SLC30A10: variants seen among roughly 807,000 people sequenced by gnomAD.
The protein encoded by SLC30A10 is calcium/manganese antiporter SLC30A10.
In SLC30A10, 8 loss-of-function variants were observed where a neutral mutation model predicts 21.7. The ratio of observed to expected loss-of-function variants is 0.37; its 90% CI spans 0.22 to 0.67. The LOEUF is 0.67. Among genes scored for constraint, SLC30A10 ranks in the 30% least tolerant of loss-of-function variants. SLC30A10 has a pLI of 0.58. For missense variants in SLC30A10, 521 were observed against 642.5 expected (o/e 0.81, Z 2.04); for synonymous variants, 272 against 279.4 (o/e 0.97, Z 0.26).
intron 2 of SLC30A10, among the ~76,000 whole-genome samples, chr1:219,920,536 A>T (rs1164751550): frequency 6.6e-6 from 1 of 152,196 alleles, no homozygotes; most frequent in Non-Finnish European, 1.5e-5. Flanking sequence ...ATAGCAATGT[A>T]GGCATTCAAT....
intron 2 of SLC30A10, among the ~76,000 whole-genome samples, chr1:219,923,022 A>G (rs989153600): frequency 1.3e-5 from 2 of 152,174 alleles, no homozygotes; most frequent in Non-Finnish European, 2.9e-5. Flanking sequence ...GCCGGGAGAC[A>G]GTGAAGAGCT....
chr1:219,918,595 G>T lies in SLC30A10; in HGVS notation c.719-101C>A. The T allele has an allele frequency of 6.9e-7, 1 of 1,458,030 alleles. No individual in the cohort carries two copies. The highest frequency in any genetic ancestry group is 9.1e-7 in the Non-Finnish European group (1 of 1,099,304). 90.3% of individuals were successfully genotyped at this position (1,458,030 alleles called of 1,614,324 possible). A position where few individuals can be genotyped will look rare whatever the true frequency, so the allele number is the denominator to read the frequency against. ...GGTATATGAATATCTGTTACCATTT[G>T]GAGTTTTTTGGTTTTTGTTTTGGTT... is the stretch of plus-strand genomic sequence containing the variant. On this transcript the variant is annotated intron_variant, in intron 2 of 3. Transcript: ENST00000366926. This position sits in a 1 kb window ranked among gnomAD's most constrained non-coding sequence, Gnocchi z 4.4.
intron 2 of SLC30A10, among the ~76,000 whole-genome samples, chr1:219,925,649 A>T (rs144735205): frequency 0.21 from 13,748 of 65,566 alleles, 1,738 homozygotes; most frequent in East Asian, 0.31. Flanking sequence ...ATATATATAT[A>T]TATTTTTTTT....
chr1:219,921,921 C>CAGAGAGAGAGAGAGAGAGAG, intron 2 of SLC30A10, among the ~76,000 whole-genome samples: 1 of 137,836 alleles, frequency 7.3e-6, no homozygotes, highest in African/African-American at 2.8e-5. Flanking sequence ...GAGAGAGAGA[C>CAGAGAGAGAGAGAGAGAGAG]AGAGAGAGAG....
At chr1:219,922,106 A>G (rs754468090) in intron 2 of SLC30A10, among the ~76,000 whole-genome samples, 1 of 145,644 alleles carries the variant, frequency 6.9e-6, no homozygotes, top group Non-Finnish European at 1.5e-5. Flanking sequence ...GATGTGTGCC[A>G]CTGCACTGGT....
At chr1:219,917,359 A>G (rs190469170) in intron 3 of SLC30A10, among the ~76,000 whole-genome samples, 8 of 152,222 alleles carry the variant, frequency 5.3e-5, no homozygotes, top group Non-Finnish European at 8.8e-5. Context: ...ATATATCACA[A>G]ATTTCTTTGT....
chr1:219,918,113 C>T lies in SLC30A10; in HGVS notation c.958+142G>A. 2 of 1,123,838 alleles carry T rather than the reference C, an allele frequency of 1.8e-6. No homozygotes were observed. Among genetic ancestry groups the T allele is most frequent in the Non-Finnish European group, 2.5e-6 (2 of 784,336 alleles). 69.6% of individuals were successfully genotyped at this position (1,123,838 alleles called of 1,614,324 possible). A position where few individuals can be genotyped will look rare whatever the true frequency, so the allele number is the denominator to read the frequency against. ...TGAGTCATCTTAATAGGCTATAAAA[C>T]ATATGATGACATCTCTACCACCTGG... On this transcript the variant is annotated intron_variant, in intron 3 of 3. Coordinates refer to ENST00000366926, the MANE Select transcript of SLC30A10 (RefSeq NM_018713.3). This position sits in a 1 kb window ranked among gnomAD's most constrained non-coding sequence, Gnocchi z 4.4.
At position 219,914,661 on chromosome 1, in the gene SLC30A10, A is replaced by G; in HGVS notation, c.*788T>C. Reference sequence around the variant, plus strand: ...GCACTAAATGAAAACAGCTCCAACTATACTGACTCTAAAAGACAGTATATG... The same window carrying G: ...GCACTAAATGAAAACAGCTCCAACTGTACTGACTCTAAAAGACAGTATATG... On this transcript the variant is annotated 3_prime_UTR_variant, in exon 4 of 4. Transcript: ENST00000366926. The G allele has an allele frequency of 6.6e-6, 1 of 152,230 alleles. No individual in the cohort carries two copies. Among genetic ancestry groups the G allele is most frequent in the East Asian group, 1.9e-4 (1 of 5,198 alleles). 9.4% of individuals were successfully genotyped at this position (152,230 alleles called of 1,614,324 possible). A position where few individuals can be genotyped will look rare whatever the true frequency, so the allele number is the denominator to read the frequency against.
rs965097400 is a variant in SLC30A10 at position 219,918,686 on chromosome 1, C to T, written c.719-192G>A. Reference sequence around the variant, plus strand: ...AGGAAACAAAACCCCAGGCCACCATCGCAGGACTCAGAGTACCTTGGAAGA... The same window carrying T: ...AGGAAACAAAACCCCAGGCCACCATTGCAGGACTCAGAGTACCTTGGAAGA... On this transcript the variant is annotated intron_variant, in intron 2 of 3. Coordinates refer to ENST00000366926, the MANE Select transcript of SLC30A10 (RefSeq NM_018713.3). The surrounding 1 kb of genome is among the most constrained non-coding windows in gnomAD (Gnocchi z 4.4). 8 of 589,216 alleles carry T rather than the reference C, an allele frequency of 1.4e-5. No individual in the cohort carries two copies. Among genetic ancestry groups the T allele is most frequent in the South Asian group, 3.1e-5 (1 of 32,650 alleles). The allele number at this position is 589,216 out of a possible 1,614,324, so 36.5% of individuals were successfully genotyped here. A position where few individuals can be genotyped will look rare whatever the true frequency, so the allele number is the denominator to read the frequency against.
At chr1:219,934,336 G>T (rs548241929) in intron 1 of SLC30A10, among the ~76,000 whole-genome samples, 4 of 151,896 alleles carry the variant, frequency 2.6e-5, no homozygotes, top group African/African-American at 9.7e-5. Context: ...GGTGGTGGGT[G>T]CCTGTAATCC....
intron 3 of SLC30A10, among the ~76,000 whole-genome samples, chr1:219,917,867 C>T (rs1157608431): frequency 1.3e-5 from 2 of 151,930 alleles, no homozygotes; most frequent in Admixed American, 6.6e-5. Flanking sequence ...CGTGCTACCA[C>T]GCCTGGCTAA....
At chr1:219,943,162 A>G (rs1660142997) in intron 1 of SLC30A10, among the ~76,000 whole-genome samples, 1 of 152,266 alleles carries the variant, frequency 6.6e-6, no homozygotes, top group South Asian at 2.1e-4. Flanking sequence ...GATGTTGAGA[A>G]TACCAGATAC....
At chr1:219,943,198 A>T (rs1660143284) in intron 1 of SLC30A10, among the ~76,000 whole-genome samples, 1 of 152,238 alleles carries the variant, frequency 6.6e-6, no homozygotes, top group South Asian at 2.1e-4. Flanking sequence ...TATGTTTAAT[A>T]GAAGGGAATA....
rs1482419863 is a variant in SLC30A10, at chr1:219,915,721, A to G, written c.1186T>C (p.Leu396=). Residue 396 remains leucine (L), a synonymous_variant, in exon 4 of 4, where the codon TTA becomes CTA. Coordinates refer to ENST00000366926, the MANE Select transcript of SLC30A10 (RefSeq NM_018713.3). ...DLKEPLEQKD[L]LLLCNSPCIS... Reference sequence around the variant, plus strand: ...CAGGGTGAGTTGCAGAGCAACAGTAAGTCCTTCTGCTCCAGGGGTTCCTTC... The same window carrying G: ...CAGGGTGAGTTGCAGAGCAACAGTAGGTCCTTCTGCTCCAGGGGTTCCTTC... 1 of 1,614,214 alleles carries G rather than the reference A, an allele frequency of 6.2e-7. No homozygotes were observed. Among genetic ancestry groups the G allele is most frequent in the East Asian group, 2.2e-5 (1 of 44,876 alleles).
rs921901565 is a variant in SLC30A10, at chr1:219,926,576, G to A, written c.718+452C>T. ...GGAGTGGAGGTTTTAGTGAGCCAAC[G>A]GTCCCTTCACAAAAGCAGATTTCTG... is the stretch of plus-strand genomic sequence containing the variant. On this transcript the variant is annotated intron_variant, in intron 2 of 3. Coordinates refer to ENST00000366926, the MANE Select transcript of SLC30A10 (RefSeq NM_018713.3). Among the ~76,000 whole-genome samples the A allele has an allele frequency of 2.0e-5, 3 of 152,208 alleles. No individual in the cohort carries two copies. In the South Asian group the frequency reaches 6.2e-4, roughly 32 times the overall value.
intron 1 of SLC30A10, among the ~76,000 whole-genome samples, chr1:219,955,770 A>G (rs1660341257): frequency 6.6e-6 from 1 of 152,322 alleles, no homozygotes. Flanking sequence ...GATTCTGATC[A>G]TGAAGCCAGG....
intron 3 of SLC30A10, among the ~76,000 whole-genome samples, chr1:219,916,193 C>T (rs910979433): frequency 6.6e-5 from 10 of 152,118 alleles, no homozygotes; most frequent in Non-Finnish European, 1.5e-4. Flanking sequence ...AAAAAGTCCC[C>T]AGGGTTGCTG....
chr1:219,923,788 G>A (rs909062325), intron 2 of SLC30A10, among the ~76,000 whole-genome samples: 9 of 152,164 alleles, frequency 5.9e-5, no homozygotes, highest in African/African-American at 1.7e-4. Flanking sequence ...TGCCAGGCAC[G>A]GTGGCTCACG....
intron 2 of SLC30A10, among the ~76,000 whole-genome samples, chr1:219,924,057 T>C (rs547090414): frequency 4.6e-5 from 7 of 152,224 alleles, no homozygotes; most frequent in Admixed American, 4.6e-4. Context: ...TGAGACTTCA[T>C]CTCAAAAAAC....
Sources: allele counts gnomAD v4.1 joint callset (sites outside exome capture counted in the v4.1 genomes callset), GRCh38; gene constraint gnomAD v4.1.1; non-coding constraint Gnocchi (gnomAD v3.1); transcripts MANE v1.5; gene names NCBI Gene and HGNC (gene_info 2026-07-23, HGNC 2026-07-21).